Variants in AK5 observed in about 807,000 individuals in gnomAD.
AK5 encodes adenylate kinase 5.
Under a neutral mutation model 69.5 loss-of-function variants are expected in AK5, and 27 were observed. That is an observed-to-expected ratio of 0.39 (90% CI 0.29 to 0.54). AK5 has a LOEUF of 0.54. AK5 is among the 20% of genes least tolerant of loss of function. The probability of loss-of-function intolerance (pLI) is 0.71; values close to 1 mark genes in which losing one functional copy is unlikely to be tolerated. For missense variants in AK5, 531 were observed against 700.4 expected (o/e 0.76, Z 2.73); for synonymous variants, 260 against 244.4 (o/e 1.06, Z -0.60).
intron 12 of AK5, among the ~76,000 whole-genome samples, chr1:77,532,688 G>A (rs1014396039): frequency 4.5e-4 from 69 of 152,202 alleles, no homozygotes; most frequent in Admixed American, 4.5e-3. Flanking sequence ...TGTTGCTGAT[G>A]GCATCTCAGC....
chr1:77,369,048 T>C (rs1647071648), intron 6 of AK5, among the ~76,000 whole-genome samples: 1 of 152,210 alleles, frequency 6.6e-6, no homozygotes, highest in Non-Finnish European at 1.5e-5. Flanking sequence ...CCATAAATTA[T>C]ATGTATCAAA....
intron 7 of AK5, among the ~76,000 whole-genome samples, chr1:77,414,286 C>G (rs1650247789): frequency 6.6e-6 from 1 of 152,112 alleles, no homozygotes; most frequent in African/African-American, 2.4e-5. Flanking sequence ...CTGTAAGGGA[C>G]AGGACAAGGG....
chr1:77,425,726 T>C (rs1253230961), intron 8 of AK5, among the ~76,000 whole-genome samples: 1 of 152,246 alleles, frequency 6.6e-6, no homozygotes, highest in Non-Finnish European at 1.5e-5. Flanking sequence ...CAGATGAGTA[T>C]GTTCAAAATA....
intron 8 of AK5, among the ~76,000 whole-genome samples, chr1:77,479,118 A>G (rs1655112442): frequency 6.6e-6 from 1 of 151,760 alleles, no homozygotes; most frequent in African/African-American, 2.4e-5. Flanking sequence ...CTTCAATAGA[A>G]TTCTAGATTT....
At chr1:77,361,595 G>A (rs1481857822) in intron 6 of AK5, among the ~76,000 whole-genome samples, 3 of 152,112 alleles carry the variant, frequency 2.0e-5, no homozygotes, top group Admixed American at 2.0e-4. Context: ...TTTTCATGCT[G>A]CTGTTAAAGA....
At chr1:77,524,290 A>G (rs1305226991) in intron 12 of AK5, among the ~76,000 whole-genome samples, 2 of 152,320 alleles carry the variant, frequency 1.3e-5, no homozygotes, top group South Asian at 2.1e-4. Context: ...TCTTTTGGGT[A>G]TATACCCACA....
At chr1:77,521,733 C>A in intron 11 of AK5, 94 bp from the exon 12 acceptor site, 1 of 871,382 alleles carries the variant, frequency 1.1e-6, no homozygotes, top group Non-Finnish European at 1.9e-6. Context: ...CCTGAACCTT[C>A]CTCCCTCCCT....
At chr1:77,352,268 A>G (rs1662252162) in intron 6 of AK5, among the ~76,000 whole-genome samples, 1 of 152,196 alleles carries the variant, frequency 6.6e-6, no homozygotes, top group African/African-American at 2.4e-5. Context: ...AAAATAGAAA[A>G]TGTGCTTAAT....
At chr1:77,463,736 G>C (rs1243054818) in intron 8 of AK5, among the ~76,000 whole-genome samples, 1 of 152,002 alleles carries the variant, frequency 6.6e-6, no homozygotes, top group African/African-American at 2.4e-5. Context: ...CCTTATTATA[G>C]GCCTGTTTCT....
At chr1:77,292,491 A>G (rs999135043) in intron 2 of AK5, among the ~76,000 whole-genome samples, 7 of 152,196 alleles carry the variant, frequency 4.6e-5, no homozygotes, top group African/African-American at 7.2e-5. Context: ...TCTTAGCAGA[A>G]TTCCTCATGG....
At chr1:77,531,210 G>A (rs565720939) in intron 12 of AK5, among the ~76,000 whole-genome samples, 12 of 152,258 alleles carry the variant, frequency 7.9e-5, no homozygotes, top group Non-Finnish European at 1.2e-4. Flanking sequence ...GCAGACCTTC[G>A]CAGTGTTACA....
intron 6 of AK5, among the ~76,000 whole-genome samples, chr1:77,350,123 G>C (rs1267662734): frequency 6.6e-6 from 1 of 152,188 alleles, no homozygotes; most frequent in Non-Finnish European, 1.5e-5. Context: ...TGTCTTCAGG[G>C]AGTTTGTGAC....
chr1:77,349,236 A>C (rs1440301344), intron 6 of AK5, among the ~76,000 whole-genome samples: 1 of 152,184 alleles, frequency 6.6e-6, no homozygotes, highest in African/African-American at 2.4e-5. Flanking sequence ...AACATTGAGT[A>C]CAATTACCTA....
intron 13 of AK5, among the ~76,000 whole-genome samples, chr1:77,548,627 T>C (rs1483722071): frequency 2.0e-5 from 3 of 152,160 alleles, no homozygotes; most frequent in African/African-American, 4.8e-5. Flanking sequence ...CAAGCAATGG[T>C]TTCAACTGTC....
At chr1:77,553,007 T>A (rs1338044117) in intron 13 of AK5, among the ~76,000 whole-genome samples, 1 of 152,184 alleles carries the variant, frequency 6.6e-6, no homozygotes, top group Non-Finnish European at 1.5e-5. Context: ...ACTACTGCAC[T>A]CCAGCCTGGG....
chr1:77,549,959 TA>T (rs987381680), intron 13 of AK5, among the ~76,000 whole-genome samples: 2 of 151,810 alleles, frequency 1.3e-5, no homozygotes, highest in African/African-American at 4.8e-5. Context: ...TTTATTTATT[TA>T]TTTTTTTTTT....
chr1:77,367,562 T>C (rs1181112566), intron 6 of AK5, among the ~76,000 whole-genome samples: 4 of 14,634 alleles, frequency 2.7e-4, no homozygotes, highest in East Asian at 5.6e-3. Context: ...TATTTTTATA[T>C]ATATATATAT....
chr1:77,282,333 A>G lies in AK5; in HGVS notation c.20A>G (p.Lys7Arg). 6.4e-7 allele frequency: 1 copy of G among 1,563,508 alleles called. No homozygotes were observed. The highest frequency in any genetic ancestry group is 8.7e-7 in the Non-Finnish European group (1 of 1,153,990). Residue 7 changes from lysine to arginine, a missense_variant, in exon 1 of 14, where the codon AAG becomes AGG. Lys to Arg is a conservative substitution (Grantham distance 26). Coordinates refer to ENST00000354567, the MANE Select transcript of AK5 (RefSeq NM_174858.3). MNTNDAKEYLARREIPQ... is the reference protein window; with the variant it reads MNTNDAREYLARREIPQ... ...ACAGCCATGAACACCAACGATGCCA[A>G]GGAGTATCTGGCCCGGAGGGAAATC...
chr1:77,380,859 A>G (rs1248214698), intron 6 of AK5, among the ~76,000 whole-genome samples: 1 of 152,192 alleles, frequency 6.6e-6, no homozygotes, highest in Non-Finnish European at 1.5e-5. Flanking sequence ...GGACCAAGGC[A>G]TCCTAGCCAG....
Sources: allele counts gnomAD v4.1 joint callset (sites outside exome capture counted in the v4.1 genomes callset), GRCh38; gene constraint gnomAD v4.1.1; transcripts MANE v1.5; gene names NCBI Gene and HGNC (gene_info 2026-07-23, HGNC 2026-07-21).